The following FSTL5 variants were observed in gnomAD, a reference collection of about 807,000 sequenced individuals.
FSTL5 encodes the protein follistatin-related protein 5.
A neutral mutation model predicts 89.1 loss-of-function variants in FSTL5; 62 were observed. That is an observed-to-expected ratio of 0.70 (90% confidence interval 0.57 to 0.86). FSTL5 has a LOEUF of 0.86. Among genes scored for constraint, FSTL5 ranks in the 40% least tolerant of loss-of-function variants. The pLI is 0.00. For missense variants in FSTL5, 1,057 were observed against 1,001.6 expected (o/e 1.06, Z -0.75); for synonymous variants, 383 against 346.2 (o/e 1.11, Z -1.18).
intron 4 of FSTL5, among the ~76,000 whole-genome samples, chr4:161,802,369 G>A (rs746921550): frequency 6.6e-6 from 1 of 151,576 alleles, no homozygotes; most frequent in Non-Finnish European, 1.5e-5. Flanking sequence ...TGTCTGAATC[G>A]AACACAGTGA....
chr4:161,625,918 A>C (rs1735301491), intron 7 of FSTL5, among the ~76,000 whole-genome samples: 1 of 152,146 alleles, frequency 6.6e-6, no homozygotes. Flanking sequence ...CCCTTAAGAC[A>C]AAACTAATCC....
chr4:161,558,182 C>T (rs568247104), intron 8 of FSTL5, among the ~76,000 whole-genome samples: 29 of 151,918 alleles, frequency 1.9e-4, no homozygotes, highest in Admixed American at 1.9e-3. Context: ...ATATAATATT[C>T]TTGAAATAAT....
chr4:161,622,648 A>G (rs1482276526), intron 7 of FSTL5, among the ~76,000 whole-genome samples: 1 of 152,118 alleles, frequency 6.6e-6, no homozygotes. Flanking sequence ...CTTCTAAGTT[A>G]AGAGAATGAT....
chr4:161,654,241 A>G (rs1331508426), intron 7 of FSTL5, among the ~76,000 whole-genome samples: 1 of 152,168 alleles, frequency 6.6e-6, no homozygotes, highest in Non-Finnish European at 1.5e-5. Context: ...ATCATAGCAT[A>G]TACTTTCAAA....
intron 6 of FSTL5, among the ~76,000 whole-genome samples, chr4:161,673,214 A>C (rs1032031052): frequency 6.6e-6 from 1 of 152,052 alleles, no homozygotes; most frequent in African/African-American, 2.4e-5. Flanking sequence ...TTCCGCCTGT[A>C]CCTATTTCAG....
At chr4:162,143,783 A>AACAC in intron 1 of FSTL5, among the ~76,000 whole-genome samples, 1 of 49,914 alleles carries the variant, frequency 2.0e-5, no homozygotes, top group South Asian at 1.1e-3. Flanking sequence ...TCTGACTTTA[A>AACAC]ATACACACAC....
At chr4:161,962,663 T>G (rs1735216335) in intron 3 of FSTL5, among the ~76,000 whole-genome samples, 1 of 151,984 alleles carries the variant, frequency 6.6e-6, no homozygotes, top group South Asian at 2.1e-4. Context: ...CATTTAATTT[T>G]CATAAGTTGA....
intron 8 of FSTL5, among the ~76,000 whole-genome samples, chr4:161,550,317 T>A (rs1482218157): frequency 6.6e-6 from 1 of 151,924 alleles, no homozygotes; most frequent in East Asian, 1.9e-4. Flanking sequence ...AACCAAGTTC[T>A]GATTTTATTC....
At chr4:161,502,836 A>G (rs1730343355) in intron 11 of FSTL5, among the ~76,000 whole-genome samples, 1 of 151,896 alleles carries the variant, frequency 6.6e-6, no homozygotes, top group South Asian at 2.1e-4. Context: ...AAAGAGGAAT[A>G]TAAATGACCT....
At chr4:161,434,350 C>T (rs1352278259) in intron 15 of FSTL5, among the ~76,000 whole-genome samples, 1 of 152,062 alleles carries the variant, frequency 6.6e-6, no homozygotes, top group Non-Finnish European at 1.5e-5. Context: ...AACTGGATAT[C>T]CATATGCAGA....
intron 4 of FSTL5, among the ~76,000 whole-genome samples, chr4:161,827,528 C>T (rs564317795): frequency 6.6e-6 from 1 of 152,214 alleles, no homozygotes; most frequent in African/African-American, 2.4e-5. Flanking sequence ...GAGAACACGC[C>T]CTTTGTCTTC....
At position 161,474,827 on chromosome 4, in the gene FSTL5, G is replaced by C. The variant is rs139735127; in HGVS notation, c.1608+6193C>G. On this transcript the variant is annotated intron_variant, in intron 13 of 15. Coordinates refer to ENST00000306100, the MANE Select transcript of FSTL5 (RefSeq NM_020116.5). ...CCCAAAGTGCTGGGATTACAGGCATGAGTCACTGTGCTCGGCCTGTGTAGT... is the reference window on the plus strand; with the variant it reads ...CCCAAAGTGCTGGGATTACAGGCATCAGTCACTGTGCTCGGCCTGTGTAGT... 3.8e-3 allele frequency among the ~76,000 whole-genome samples: 583 copies of C among 152,274 alleles called. 2 individuals are homozygous for C. The highest frequency in any genetic ancestry group is 0.013 in the African/African-American group (532 of 41,560).
chr4:161,716,954 G>C (rs903245040), intron 6 of FSTL5, among the ~76,000 whole-genome samples: 2 of 152,166 alleles, frequency 1.3e-5, no homozygotes, highest in Admixed American at 1.3e-4. Flanking sequence ...ATTCAATATA[G>C]ACTTAAAAAT....
chr4:161,814,349 T>C (rs1730261153), intron 4 of FSTL5, among the ~76,000 whole-genome samples: 1 of 152,146 alleles, frequency 6.6e-6, no homozygotes, highest in South Asian at 2.1e-4. Flanking sequence ...TCTCCTACAA[T>C]TCATGGAACA....
chr4:161,402,904 C>A, intron 15 of FSTL5, among the ~76,000 whole-genome samples: 1 of 151,904 alleles, frequency 6.6e-6, no homozygotes, highest in Non-Finnish European at 1.5e-5. Context: ...TCACTGCAAC[C>A]TCTGCCTCCC....
Position 162,153,482 on chromosome 4 carries a change from G to A in FSTL5, c.-17+10133C>T, listed in dbSNP as rs1733308144. On this transcript the variant is annotated intron_variant, in intron 1 of 15. Coordinates refer to ENST00000306100, the MANE Select transcript of FSTL5 (RefSeq NM_020116.5). ...TCTTACTACAGAGAGGGTAGGGCAG[G>A]TACTCTGTCTCTCTCATTGCTACCC... Among the ~76,000 whole-genome samples the A allele has an allele frequency of 2.0e-5, 3 of 150,788 alleles. 1 individual carries two copies. The highest frequency in any genetic ancestry group is 4.2e-4 in the South Asian group (2 of 4,816).
intron 6 of FSTL5, among the ~76,000 whole-genome samples, chr4:161,720,499 C>A (rs181204604): frequency 1.2e-3 from 184 of 152,214 alleles, no homozygotes; most frequent in African/African-American, 4.3e-3. Flanking sequence ...ATCTAGCAAT[C>A]CCACTTCTCA....
At chr4:161,604,383 T>TA (rs1328356304) in intron 7 of FSTL5, among the ~76,000 whole-genome samples, 1 of 151,984 alleles carries the variant, frequency 6.6e-6, no homozygotes. Flanking sequence ...AACTTGAACA[T>TA]AAAAATTTTA....
At position 161,640,481 on chromosome 4, in the gene FSTL5, C is replaced by A. The variant is rs574023665; in HGVS notation, c.894+15847G>T. ...AGAATTAGGAAACCTAAATAGAAAC[C>A]AGAAAAAAATTCTGGAGCTGAAAAT... is the stretch of plus-strand genomic sequence containing the variant. On this transcript the variant is annotated intron_variant, in intron 7 of 15. Coordinates refer to ENST00000306100, the MANE Select transcript of FSTL5 (RefSeq NM_020116.5). Among the ~76,000 whole-genome samples, 9 of 151,974 alleles carry A rather than the reference C, an allele frequency of 5.9e-5. No homozygotes were observed. The South Asian group carries it at 1.7e-3, about 28-fold the overall frequency.
Sources: allele counts gnomAD v4.1 joint callset (sites outside exome capture counted in the v4.1 genomes callset), GRCh38; gene constraint gnomAD v4.1.1; transcripts MANE v1.5; gene names NCBI Gene and HGNC (gene_info 2026-07-23, HGNC 2026-07-21).